SGCD: variants seen among roughly 807,000 people sequenced by gnomAD.
The protein encoded by SGCD is sarcoglycan delta.
SGCD carries 18 observed loss-of-function variants against 36.6 expected under a neutral mutation model. That is an observed-to-expected ratio of 0.49 (90% confidence interval 0.34 to 0.73). The LOEUF (loss-of-function observed/expected upper bound fraction) is 0.73. SGCD is among the 30% of genes least tolerant of loss of function. The pLI is 0.01. For missense variants in SGCD, 387 were observed against 346.7 expected (o/e 1.12, Z -0.92); for synonymous variants, 133 against 130.6 (o/e 1.02, Z -0.12).
chr5:155,848,429 A>G, the SGCD span, among the ~76,000 whole-genome samples: 1 of 152,150 alleles, frequency 6.6e-6, no homozygotes, highest in Non-Finnish European at 1.5e-5. Flanking sequence ...GTGGGCAGAA[A>G]AAGCATTGGT....
chr5:156,028,106 C>T (rs980064819), intron 1 of SGCD, among the ~76,000 whole-genome samples: 4 of 152,172 alleles, frequency 2.6e-5, no homozygotes, highest in East Asian at 1.9e-4. Flanking sequence ...TTTTGGAACA[C>T]TTCAGCTAAT....
chr5:156,021,901 C>T (rs563760085), intron 1 of SGCD, among the ~76,000 whole-genome samples: 2 of 152,264 alleles, frequency 1.3e-5, no homozygotes, highest in East Asian at 1.9e-4. Context: ...ACATGCTATA[C>T]AGTTCATCCA....
intron 4 of SGCD, among the ~76,000 whole-genome samples, chr5:156,567,432 G>A (rs75357131): frequency 0.022 from 1,885 of 87,226 alleles, 36 homozygotes; most frequent in Non-Finnish European, 0.036. Context: ...ATAGATAGAT[G>A]GTAGCTCATG....
the SGCD span, among the ~76,000 whole-genome samples, chr5:155,793,953 G>GAA: frequency 0.021 from 2,066 of 100,310 alleles, 23 homozygotes; most frequent in East Asian, 0.038. Context: ...AAGCAAAAAT[G>GAA]AAAAAAAAAA....
At position 156,051,052 on chromosome 5, in the gene SGCD, C is replaced by A. The variant is rs183569879; in HGVS notation, c.-281-66826C>A. 5.5e-5 allele frequency among the ~76,000 whole-genome samples: 8 copies of A among 146,344 alleles called. 1 individual carries two copies. Among genetic ancestry groups the A allele is most frequent in the African/African-American group, 2.0e-4 (8 of 40,692 alleles). Reference sequence around the variant, plus strand: ...CCATTACTCAGCCTTTCACATATACCTTTACTAGAAACTAATATTATAGCT... The same window carrying A: ...CCATTACTCAGCCTTTCACATATACATTTACTAGAAACTAATATTATAGCT... On this transcript the variant is annotated intron_variant, in intron 1 of 9. Transcript: ENST00000517913.
intron 6 of SGCD, among the ~76,000 whole-genome samples, chr5:156,644,471 A>G (rs1472118178): frequency 6.6e-6 from 1 of 150,476 alleles, no homozygotes; most frequent in Non-Finnish European, 1.5e-5. Flanking sequence ...CATTTTATCT[A>G]TTACGAGATT....
chr5:155,745,598 A>C, the SGCD span, among the ~76,000 whole-genome samples: 1 of 152,136 alleles, frequency 6.6e-6, no homozygotes, highest in Non-Finnish European at 1.5e-5. Context: ...GAGAAGTTAC[A>C]AACTGAAAAG....
chr5:156,325,733 T>A (rs1487274481), upstream of SGCD, among the ~76,000 whole-genome samples: 3 of 152,180 alleles, frequency 2.0e-5, no homozygotes, highest in Non-Finnish European at 2.9e-5. Flanking sequence ...CTTCCCTCTG[T>A]AAAATGAAGG....
intron 3 of SGCD, among the ~76,000 whole-genome samples, chr5:156,146,353 A>G (rs1762710926): frequency 6.6e-6 from 1 of 152,248 alleles, no homozygotes; most frequent in Non-Finnish European, 1.5e-5. Flanking sequence ...CTGGTTTTCA[A>G]CTTTAGAATT....
chr5:155,871,677 A>C (rs1755659654), intron 1 of SGCD, among the ~76,000 whole-genome samples: 1 of 152,152 alleles, frequency 6.6e-6, no homozygotes, highest in African/African-American at 2.4e-5. Context: ...GGAGACTGAA[A>C]GGAGGACAGA....
At chr5:155,835,362 A>C in the SGCD span, among the ~76,000 whole-genome samples, 9 of 152,108 alleles carry the variant, frequency 5.9e-5, no homozygotes, top group African/African-American at 2.2e-4. Context: ...ACATGACCCA[A>C]TGTGAAAAAT....
intron 4 of SGCD, among the ~76,000 whole-genome samples, chr5:156,516,123 G>A (rs1167330563): frequency 6.6e-6 from 1 of 152,254 alleles, no homozygotes; most frequent in East Asian, 1.9e-4. Context: ...GTCCAGACAA[G>A]GGGGATTCCC....
At chr5:155,757,585 C>T in the SGCD span, among the ~76,000 whole-genome samples, 1 of 152,148 alleles carries the variant, frequency 6.6e-6, no homozygotes, top group Non-Finnish European at 1.5e-5. Context: ...CATAGACACC[C>T]AGCTACTGTA....
chr5:156,466,726 AG>A (rs1468627664), intron 3 of SGCD, among the ~76,000 whole-genome samples: 1 of 152,220 alleles, frequency 6.6e-6, no homozygotes, highest in Non-Finnish European at 1.5e-5. Context: ...TCCATTAAGA[AG>A]AGTAGGTGCA....
chr5:156,051,859 G>A (rs1345135697), intron 1 of SGCD, among the ~76,000 whole-genome samples: 2 of 145,492 alleles, frequency 1.4e-5, no homozygotes, highest in Non-Finnish European at 3.1e-5. Flanking sequence ...TGTGCTGGGG[G>A]AAAGAGGTGG....
intron 3 of SGCD, among the ~76,000 whole-genome samples, chr5:156,442,683 A>G (rs1424140891): frequency 6.6e-6 from 1 of 152,202 alleles, no homozygotes; most frequent in Non-Finnish European, 1.5e-5. Context: ...CTGTTCATCA[A>G]GATAAAAGCC....
At chr5:156,037,551 A>T (rs1759529409) in intron 1 of SGCD, among the ~76,000 whole-genome samples, 1 of 152,220 alleles carries the variant, frequency 6.6e-6, no homozygotes, top group African/African-American at 2.4e-5. Flanking sequence ...CTTATTTAGG[A>T]CACATAAAAC....
At chr5:156,704,526 G>A (rs537796813) in intron 7 of SGCD, among the ~76,000 whole-genome samples, 2 of 152,300 alleles carry the variant, frequency 1.3e-5, no homozygotes, top group African/African-American at 4.8e-5. Context: ...GCTATAGCTA[G>A]ATGAATGGGA....
chr5:156,462,172 G>A (rs948619475), intron 3 of SGCD, among the ~76,000 whole-genome samples: 1 of 151,838 alleles, frequency 6.6e-6, no homozygotes, highest in East Asian at 1.9e-4. Flanking sequence ...TGGCCTTTTA[G>A]TTCCATGGCC....
Sources: allele counts gnomAD v4.1 joint callset (sites outside exome capture counted in the v4.1 genomes callset), GRCh38; gene constraint gnomAD v4.1.1; transcripts MANE v1.5; gene names NCBI Gene and HGNC (gene_info 2026-07-23, HGNC 2026-07-21).